The following NOTCH2NLC variants were observed in gnomAD, a reference collection of about 807,000 sequenced individuals.
NOTCH2NLC encodes the protein notch 2 N-terminal like C.
A neutral mutation model predicts 17.7 loss-of-function variants in NOTCH2NLC; 4 were observed. The observed-to-expected ratio is 0.23, with a 90% CI of 0.11 to 0.52. The LOEUF is 0.52. Ranked by LOEUF, NOTCH2NLC falls within the 20% of genes least tolerant of loss-of-function variation. The pLI is 0.96. For synonymous variants in NOTCH2NLC, 18 were observed against 86.0 expected, an observed-to-expected ratio of 0.21 and a Z score of 4.38; for missense variants, 57 against 207.2, an observed-to-expected ratio of 0.28 and a Z score of 4.45.
intron 2 of NOTCH2NLC, among the ~76,000 whole-genome samples, chr1:149,448,869 C>A (rs2084571579): frequency 2.1e-5 from 3 of 143,206 alleles, no homozygotes; most frequent in African/African-American, 5.1e-5. Flanking sequence ...CCTCTTCCAT[C>A]TACTAGCTGT....
At chr1:149,446,839 T>C (rs1173188607) in intron 2 of NOTCH2NLC, among the ~76,000 whole-genome samples, 1 of 113,436 alleles carries the variant, frequency 8.8e-6, no homozygotes, top group Admixed American at 9.2e-5. Context: ...AAGAGACAGT[T>C]ATGAAAATAA....
intron 1 of NOTCH2NLC, among the ~76,000 whole-genome samples, chr1:149,430,076 C>T (rs1306416864): frequency 2.0e-5 from 3 of 149,560 alleles, no homozygotes; most frequent in African/African-American, 4.9e-5. Flanking sequence ...TGGCAGATTT[C>T]GAGTAGACTT....
chr1:149,438,851 C>G (rs2084498649), intron 2 of NOTCH2NLC, among the ~76,000 whole-genome samples: 1 of 134,768 alleles, frequency 7.4e-6, no homozygotes, highest in Admixed American at 7.8e-5. Context: ...CTCCTAGGCT[C>G]AAGCCATCCA....
intron 2 of NOTCH2NLC, among the ~76,000 whole-genome samples, chr1:149,439,863 T>C (rs1189129087): frequency 1.4e-5 from 2 of 147,350 alleles, no homozygotes; most frequent in Non-Finnish European, 3.0e-5. Flanking sequence ...CCTTCTCCTA[T>C]GAAAAAGTAA....
intron 1 of NOTCH2NLC, among the ~76,000 whole-genome samples, chr1:149,418,926 C>G (rs1206082509): frequency 2.0e-5 from 3 of 151,084 alleles, no homozygotes; most frequent in African/African-American, 7.3e-5. Context: ...TTCGCTCGCT[C>G]GCTTGCTCTT....
chr1:149,399,553 CAT>C (rs1261789215), intron 1 of NOTCH2NLC, among the ~76,000 whole-genome samples: 6 of 98,408 alleles, frequency 6.1e-5, no homozygotes, highest in East Asian at 2.6e-4. Flanking sequence ...AGTTTGAGGA[CAT>C]GTGTATTTCG....
chr1:149,432,246 G>A (rs1194780144), intron 2 of NOTCH2NLC, among the ~76,000 whole-genome samples: 2 of 148,112 alleles, frequency 1.4e-5, no homozygotes, highest in Admixed American at 6.7e-5. Flanking sequence ...CTTTTTTCCA[G>A]TGAGATCTGT....
chr1:149,426,813 G>A (rs1323707802), intron 1 of NOTCH2NLC, among the ~76,000 whole-genome samples: 1 of 148,612 alleles, frequency 6.7e-6, no homozygotes. Flanking sequence ...GCATGAAGCT[G>A]CCTTCAATTT....
chr1:149,451,624 C>T (rs2101504996), intron 2 of NOTCH2NLC, among the ~76,000 whole-genome samples: 1 of 149,158 alleles, frequency 6.7e-6, no homozygotes, highest in East Asian at 2.0e-4. Flanking sequence ...TGTTGTACCT[C>T]ATATGTAAGT....
chr1:149,440,078 G>T (rs2084507599), intron 2 of NOTCH2NLC, among the ~76,000 whole-genome samples: 1 of 149,776 alleles, frequency 6.7e-6, no homozygotes, highest in Non-Finnish European at 1.5e-5. Flanking sequence ...AGAAAGGTAG[G>T]TGTTAATAAG....
intron 3 of NOTCH2NLC, among the ~76,000 whole-genome samples, chr1:149,462,546 A>T (rs2084656114): frequency 1.4e-5 from 2 of 138,886 alleles, no homozygotes; most frequent in South Asian, 4.8e-4. Context: ...GAGGAAACAG[A>T]AGTAGTATTG....
intron 1 of NOTCH2NLC, among the ~76,000 whole-genome samples, chr1:149,423,329 C>T (rs1362087532): frequency 6.6e-6 from 1 of 150,796 alleles, no homozygotes; most frequent in African/African-American, 2.4e-5. Flanking sequence ...TTAAATGTAC[C>T]ACTTGGGATT....
intron 2 of NOTCH2NLC, among the ~76,000 whole-genome samples, chr1:149,445,067 G>A (rs1373458350): frequency 7.2e-6 from 1 of 138,196 alleles, no homozygotes; most frequent in Non-Finnish European, 1.6e-5. Flanking sequence ...AAGTCCTCAT[G>A]CATGTTTTTA....
At chr1:149,420,034 T>G (rs1447382450) in intron 1 of NOTCH2NLC, among the ~76,000 whole-genome samples, 1 of 141,592 alleles carries the variant, frequency 7.1e-6, no homozygotes. Context: ...GCCCAGCTAA[T>G]TTTTTTTTTG....
intron 1 of NOTCH2NLC, 137 bp downstream of exon 1, chr1:149,391,059 C>T: frequency 1.2e-6 from 1 of 807,652 alleles, no homozygotes; most frequent in East Asian, 5.0e-5. Flanking sequence ...TCGCTGGGTT[C>T]CCGAGAGTTT....
rs1474842678 is a variant in NOTCH2NLC, at chr1:149,462,121, T to TA, written c.470-1367dup. ...TGTTGTGCACGTGTACCCTAGAACT[T>TA]AAAGTATAATAATAATAATAATAAT... On this transcript the variant is annotated intron_variant, in intron 3 of 4. Coordinates refer to ENST00000650865, the MANE Select transcript of NOTCH2NLC (RefSeq NM_001364013.2). Among the ~76,000 whole-genome samples the TA allele has an allele frequency of 6.6e-3, 956 of 145,530 alleles. 44 individuals are homozygous for TA. The East Asian group carries it at 0.11, about 17-fold the overall frequency.
chr1:149,414,567 A>G (rs1180312763), intron 1 of NOTCH2NLC, among the ~76,000 whole-genome samples: 2,998 of 151,096 alleles, frequency 0.02, 147 homozygotes, highest in African/African-American at 0.067. Context: ...CGGTTCCTCA[A>G]GTAAATACAT....
chr1:149,428,658 T>G (rs1483519062), intron 1 of NOTCH2NLC, among the ~76,000 whole-genome samples: 3 of 149,826 alleles, frequency 2.0e-5, no homozygotes, highest in Middle Eastern at 7.1e-3. Flanking sequence ...GAGCTGTCGC[T>G]GGTGGATCAC....
At chr1:149,439,920 A>G (rs2084506011) in intron 2 of NOTCH2NLC, among the ~76,000 whole-genome samples, 1 of 147,196 alleles carries the variant, frequency 6.8e-6, no homozygotes, top group African/African-American at 2.5e-5. Flanking sequence ...ACAGTCTTCT[A>G]CTTGATCTTT....
Sources: allele counts gnomAD v4.1 joint callset (sites outside exome capture counted in the v4.1 genomes callset), GRCh38; gene constraint gnomAD v4.1.1; transcripts MANE v1.5; gene names NCBI Gene and HGNC (gene_info 2026-07-23, HGNC 2026-07-21).